The following FBXL7 variants were observed in gnomAD, a reference collection of about 807,000 sequenced individuals.
FBXL7 encodes F-box and leucine rich repeat protein 7, also known as F-box/LRR-repeat protein 7.
FBXL7 carries 12 observed loss-of-function variants against 38.3 expected under a neutral mutation model. That is an observed-to-expected ratio of 0.31 (90% confidence interval 0.20 to 0.51). The LOEUF is 0.51. FBXL7 is among the 20% of genes least tolerant of loss of function. The pLI is 0.98. For missense variants in FBXL7, 567 were observed against 676.4 expected (o/e 0.84, Z 1.79); for synonymous variants, 297 against 300.9 (o/e 0.99, Z 0.13).
At chr5:15,708,847 G>A (rs1331853139) in intron 2 of FBXL7, among the ~76,000 whole-genome samples, 3 of 152,156 alleles carry the variant, frequency 2.0e-5, no homozygotes, top group African/African-American at 7.2e-5. Flanking sequence ...TCAGTGCTTG[G>A]TAATACAGTA....
At chr5:15,793,332 C>A (rs114675816) in intron 2 of FBXL7, among the ~76,000 whole-genome samples, 1 of 152,164 alleles carries the variant, frequency 6.6e-6, no homozygotes. Flanking sequence ...GAGACTCCCT[C>A]GCATCTCCCA....
intron 1 of FBXL7, among the ~76,000 whole-genome samples, chr5:15,541,362 A>G (rs927642927): frequency 4.1e-5 from 6 of 146,400 alleles, no homozygotes; most frequent in African/African-American, 1.5e-4. Flanking sequence ...AACTATATGT[A>G]TATATACACA....
intron 2 of FBXL7, among the ~76,000 whole-genome samples, chr5:15,798,121 C>T (rs1266169983): frequency 2.0e-5 from 3 of 152,146 alleles, no homozygotes; most frequent in Admixed American, 1.3e-4. Context: ...ATAGTTCTTC[C>T]GACCACAGCT....
chr5:15,818,588 T>A (rs907842897), intron 2 of FBXL7, among the ~76,000 whole-genome samples: 2 of 152,168 alleles, frequency 1.3e-5, no homozygotes, highest in African/African-American at 4.8e-5. Context: ...GCTTCCTGTA[T>A]CTACAAGTCA....
chr5:15,764,419 G>A (rs1388141290), intron 2 of FBXL7, among the ~76,000 whole-genome samples: 2 of 152,158 alleles, frequency 1.3e-5, no homozygotes, highest in African/African-American at 4.8e-5. Flanking sequence ...TAAGAGATAA[G>A]CATTGTAGAA....
intron 1 of FBXL7, among the ~76,000 whole-genome samples, chr5:15,587,881 T>G (rs2126476224): frequency 6.6e-6 from 1 of 152,308 alleles, no homozygotes. Context: ...CTAGCTAAGG[T>G]GAAGGCTCTT....
chr5:15,627,750 C>G (rs1429231562), intron 2 of FBXL7, among the ~76,000 whole-genome samples: 1 of 152,120 alleles, frequency 6.6e-6, no homozygotes, highest in East Asian at 1.9e-4. Flanking sequence ...CATTTTAGGA[C>G]AAATAATCTG....
chr5:15,758,839 A>C (rs1047767921), intron 2 of FBXL7, among the ~76,000 whole-genome samples: 2 of 152,200 alleles, frequency 1.3e-5, no homozygotes, highest in Admixed American at 1.3e-4. Context: ...TAATAAAACT[A>C]ATTATGGTAA....
intron 2 of FBXL7, among the ~76,000 whole-genome samples, chr5:15,765,686 C>T (rs1736568209): frequency 6.6e-6 from 1 of 152,092 alleles, no homozygotes; most frequent in Admixed American, 6.6e-5. Context: ...CACCATGCTT[C>T]CTCCCACCAA....
At chr5:15,918,789 G>A (rs1237311292) in intron 2 of FBXL7, among the ~76,000 whole-genome samples, 1 of 152,248 alleles carries the variant, frequency 6.6e-6, no homozygotes, top group African/African-American at 2.4e-5. Context: ...TTGGACAGGA[G>A]TCTCTGCCAT....
At chr5:15,576,408 A>G (rs1238661360) in intron 1 of FBXL7, among the ~76,000 whole-genome samples, 1 of 152,126 alleles carries the variant, frequency 6.6e-6, no homozygotes, top group Admixed American at 6.6e-5. Flanking sequence ...TAATGTATCT[A>G]TTTTAGCATT....
chr5:15,783,490 A>G (rs1208420943), intron 2 of FBXL7, among the ~76,000 whole-genome samples: 2 of 152,206 alleles, frequency 1.3e-5, no homozygotes, highest in African/African-American at 2.4e-5. Flanking sequence ...AACCAACATG[A>G]CAGCAATGAG....
At chr5:15,705,600 T>C (rs1273133584) in intron 2 of FBXL7, among the ~76,000 whole-genome samples, 1 of 152,214 alleles carries the variant, frequency 6.6e-6, no homozygotes, top group Admixed American at 6.5e-5. Flanking sequence ...AAGGTAATGA[T>C]ATAAACAATT....
chr5:15,866,296 C>T (rs1442378866), intron 2 of FBXL7, among the ~76,000 whole-genome samples: 2 of 152,156 alleles, frequency 1.3e-5, no homozygotes, highest in African/African-American at 4.8e-5. Context: ...AAAAATGTTA[C>T]TGGACCAAGA....
At chr5:15,546,182 C>A (rs2126415096) in intron 1 of FBXL7, among the ~76,000 whole-genome samples, 1 of 152,340 alleles carries the variant, frequency 6.6e-6, no homozygotes, top group South Asian at 2.1e-4. Flanking sequence ...GTAATCCCAG[C>A]ACTTTGGGAG....
intron 2 of FBXL7, among the ~76,000 whole-genome samples, chr5:15,771,574 C>G (rs1736727569): frequency 6.6e-6 from 1 of 152,090 alleles, no homozygotes; most frequent in Admixed American, 6.5e-5. Context: ...GGGATAACCT[C>G]TGGCTGGGAA....
At chr5:15,801,086 G>C (rs1243050437) in intron 2 of FBXL7, among the ~76,000 whole-genome samples, 1 of 152,128 alleles carries the variant, frequency 6.6e-6, no homozygotes, top group Non-Finnish European at 1.5e-5. Context: ...TTTGCTCTTA[G>C]GATGTTCAAC....
intron 1 of FBXL7, among the ~76,000 whole-genome samples, chr5:15,568,612 T>G (rs1424652551): frequency 6.6e-6 from 1 of 151,686 alleles, no homozygotes; most frequent in Non-Finnish European, 1.5e-5. Context: ...CATTTGTCAA[T>G]TTTGGCTTTT....
At chr5:15,622,553 G>A (rs945492258) in intron 2 of FBXL7, among the ~76,000 whole-genome samples, 2 of 152,082 alleles carry the variant, frequency 1.3e-5, no homozygotes, top group Non-Finnish European at 2.9e-5. Flanking sequence ...TTTTGTCCTT[G>A]CGACAGTTTG....
Sources: gnomAD v4.1 joint callset for allele counts (sites outside exome capture counted in the v4.1 genomes callset) on GRCh38, gnomAD v4.1.1 for gene constraint, MANE v1.5 for transcripts, NCBI Gene and HGNC (gene_info 2026-07-23, HGNC 2026-07-21) for gene names.